The following SPHK2 variants were observed in gnomAD, a reference collection of about 807,000 sequenced individuals.
SPHK2 encodes sphingosine kinase 2.
In SPHK2, 18 loss-of-function variants were observed where a neutral mutation model predicts 32.3. The observed-to-expected ratio is 0.56, with a 90% CI of 0.39 to 0.83. The LOEUF is 0.83. Ranked by LOEUF, SPHK2 falls within the 40% of genes least tolerant of loss-of-function variation. The pLI is 0.00. For missense variants in SPHK2, 850 were observed against 908.7 expected (o/e 0.94, Z 0.83); for synonymous variants, 462 against 417.6 (o/e 1.11, Z -1.30).
chr19:48,620,074 G>T (rs1053995732), intron 1 of SPHK2, among the ~76,000 whole-genome samples: 7 of 152,136 alleles, frequency 4.6e-5, no homozygotes, highest in African/African-American at 1.7e-4. Flanking sequence ...ACTTCTTTGG[G>T]CCTTACTCTC....
chr19:48,628,276 G>A lies in SPHK2; in HGVS notation c.871G>A (p.Gly291Arg), dbSNP rs765660290. 1 of 1,613,094 alleles carries A rather than the reference G, an allele frequency of 6.2e-7. No individual in the cohort carries two copies. Among genetic ancestry groups the A allele is most frequent in the Admixed American group, 1.7e-5 (1 of 60,022 alleles). Reference sequence around the variant, plus strand: ...GGCCGGAGCAGTGAACCAGCACGGGGGGTAGGTTGAGGATACCACGAAGGG... The same window carrying A: ...GGCCGGAGCAGTGAACCAGCACGGGAGGTAGGTTGAGGATACCACGAAGGG... ...ALAGAVNQHG[G>R]FEPALGLDLL... Residue 291 changes from glycine to arginine, a missense_variant and splice_region_variant, in exon 6 of 7, where the codon GGA becomes AGA. This residue lies in a region of SPHK2 where 544 missense variants were observed against 640.0 expected (regional missense o/e 0.85). Coordinates refer to ENST00000245222, the MANE Select transcript of SPHK2 (RefSeq NM_020126.5). This position sits in a 1 kb window ranked among gnomAD's most constrained non-coding sequence, Gnocchi z 5.2.
intron 2 of SPHK2, 126 bp downstream of exon 2, chr19:48,620,679 T>TG: frequency 1.3e-6 from 1 of 795,984 alleles, no homozygotes; most frequent in Non-Finnish European, 2.0e-6. Context: ...ATCCCAGCAC[T>TG]CTGGGAGGCC....
At position 48,630,119 on chromosome 19, in the gene SPHK2, A is replaced by T; in HGVS notation, c.*346A>T. The T allele has an allele frequency of 1.6e-6, 2 of 1,252,396 alleles. No homozygotes were observed. The highest frequency in any genetic ancestry group is 2.0e-6 in the Non-Finnish European group (2 of 996,174). 77.6% of individuals were successfully genotyped at this position (1,252,396 alleles called of 1,614,324 possible). On this transcript the variant is annotated 3_prime_UTR_variant, in exon 7 of 7. Coordinates refer to ENST00000245222, the MANE Select transcript of SPHK2 (RefSeq NM_020126.5). This position sits in a 1 kb window ranked among gnomAD's most constrained non-coding sequence, Gnocchi z 4.9. ...CGGAGTCTATTTTACGCGTCGCCCAATGACAGGACCTGGAATGTACTGGCT... is the reference window on the plus strand; with the variant it reads ...CGGAGTCTATTTTACGCGTCGCCCATTGACAGGACCTGGAATGTACTGGCT...
rs2030255326 is a variant in SPHK2 at position 48,628,786 on chromosome 19, C to T, written c.978C>T (p.Gly326=). ...LDLLSVTLAS[G]SRCFSFLSVA... is the part of the protein sequence containing the mutation. ...TGCTCTCCGTGACGCTGGCCTCGGG[C>T]TCCCGCTGTTTCTCCTTCCTGTCTG... Residue 326 remains glycine (G), a synonymous_variant, in exon 7 of 7, where the codon GGC becomes GGT. Transcript: ENST00000245222. This position sits in a 1 kb window ranked among gnomAD's most constrained non-coding sequence, Gnocchi z 5.2. 9 of 1,613,452 alleles carry T rather than the reference C, an allele frequency of 5.6e-6. No homozygotes were observed. The highest frequency in any genetic ancestry group is 7.6e-6 in the Non-Finnish European group (9 of 1,180,034).
At position 48,630,391 on chromosome 19, in the gene SPHK2, G is replaced by C. The variant is rs1382204707; in HGVS notation, c.*618G>C. 5.1e-6 allele frequency: 7 copies of C among 1,375,624 alleles called. No individual in the cohort carries two copies. Among genetic ancestry groups the C allele is most frequent in the Non-Finnish European group, 6.6e-6 (7 of 1,065,776 alleles). 85.2% of individuals were successfully genotyped at this position (1,375,624 alleles called of 1,614,324 possible). A position where few individuals can be genotyped will look rare whatever the true frequency, so the allele number is the denominator to read the frequency against. ...AAAGGTCTATGCAATAAAGGCAGTCGCTTCATTCCTCTCAGACCTTCTGCC... is the reference window on the plus strand; with the variant it reads ...AAAGGTCTATGCAATAAAGGCAGTCCCTTCATTCCTCTCAGACCTTCTGCC... On this transcript the variant is annotated 3_prime_UTR_variant, in exon 7 of 7. Transcript: ENST00000245222. This position sits in a 1 kb window ranked among gnomAD's most constrained non-coding sequence, Gnocchi z 4.9.
At position 48,628,057 on chromosome 19, in the gene SPHK2, G is replaced by C; in HGVS notation, c.744G>C (p.Gly248=). The change falls in exon 5 of 7, where the codon GGG becomes GGC. Residue 248 remains glycine (G), a synonymous_variant. Transcript: ENST00000245222. This position sits in a 1 kb window ranked among gnomAD's most constrained non-coding sequence, Gnocchi z 5.2. ...WDGIVTVSGD[G]LLHEVLNGLL... ...GCATCGTCACGGTCTCGGGAGACGG[G>C]CTGCTCCATGAGGTAGAGCAGGAGC... 6.3e-7 allele frequency: 1 copy of C among 1,591,250 alleles called. No homozygotes were observed. Among genetic ancestry groups the C allele is most frequent in the Non-Finnish European group, 8.6e-7 (1 of 1,165,198 alleles).
chr19:48,628,316 C>T lies in SPHK2; in HGVS notation c.872+39C>T, dbSNP rs371062327. 2.7e-5 allele frequency: 42 copies of T among 1,579,276 alleles called. No homozygotes were observed. The African/African-American group carries it at 4.7e-4, about 18-fold the overall frequency. On this transcript the variant is annotated intron_variant, in intron 6 of 6. Coordinates refer to ENST00000245222, the MANE Select transcript of SPHK2 (RefSeq NM_020126.5). This position sits in a 1 kb window ranked among gnomAD's most constrained non-coding sequence, Gnocchi z 5.2. ...ACCACGAAGGGAGGGATGAGCCCCTCCTGGGGTGATAGGGACCCCTATATC... is the reference window on the plus strand; with the variant it reads ...ACCACGAAGGGAGGGATGAGCCCCTTCTGGGGTGATAGGGACCCCTATATC...
chr19:48,620,430 C>A lies in SPHK2; in HGVS notation c.-85C>A. 2.4e-6 allele frequency: 3 copies of A among 1,248,782 alleles called. No individual in the cohort carries two copies. Among genetic ancestry groups the A allele is most frequent in the Non-Finnish European group, 3.4e-6 (3 of 869,944 alleles). The allele number at this position is 1,248,782 out of a possible 1,614,324, so 77.4% of individuals were successfully genotyped here. ...TGAAGGTCAGGCCAGGACAGTGAGA[C>A]CTGACTCCTTGCTCCTACCAGCCTA... On this transcript the variant is annotated 5_prime_UTR_variant, in exon 2 of 7. Transcript: ENST00000245222.
In SPHK2 at chr19:48,628,005, A is replaced by G. The variant is rs1187595355; in HGVS notation, c.692A>G (p.Gln231Arg). 3 of 1,594,578 alleles carry G rather than the reference A, an allele frequency of 1.9e-6. No individual in the cohort carries two copies. The highest frequency in any genetic ancestry group is 2.6e-6 in the Non-Finnish European group (3 of 1,167,534). Residue 231 changes from glutamine to arginine, a missense_variant, in exon 5 of 7, where the codon CAG becomes CGG. Gln to Arg is a conservative substitution (Grantham distance 43). This residue lies in a region of SPHK2 where 544 missense variants were observed against 640.0 expected (regional missense o/e 0.85). Coordinates refer to ENST00000245222, the MANE Select transcript of SPHK2 (RefSeq NM_020126.5). This position sits in a 1 kb window ranked among gnomAD's most constrained non-coding sequence, Gnocchi z 5.2. ...CAGAACCACGCCCGGGAGCTGGTCC[A>G]GGGGCTGAGCCTGAGTGAGTGGGAT... ...ERQNHARELV[Q>R]GLSLSEWDGI...
At position 48,630,360 on chromosome 19, in the gene SPHK2, A is replaced by G. The variant is rs1323016472; in HGVS notation, c.*587A>G. 1 of 1,312,470 alleles carries G rather than the reference A, an allele frequency of 7.6e-7. No homozygotes were observed. The allele number at this position is 1,312,470 out of a possible 1,614,324, so 81.3% of individuals were successfully genotyped here. A position where few individuals can be genotyped will look rare whatever the true frequency, so the allele number is the denominator to read the frequency against. On this transcript the variant is annotated 3_prime_UTR_variant, in exon 7 of 7. Coordinates refer to ENST00000245222, the MANE Select transcript of SPHK2 (RefSeq NM_020126.5). This position sits in a 1 kb window ranked among gnomAD's most constrained non-coding sequence, Gnocchi z 4.9. ...GTCCTCCGTCCCCAATCTAAAAAGC[A>G]ATTGAAAAGGTCTATGCAATAAAGG... is the stretch of plus-strand genomic sequence containing the variant.
Position 48,629,323 on chromosome 19 carries a change from TGCCCGGGTAGGG to T in SPHK2, c.1519_1530del (p.Arg507_Ala510del), listed in dbSNP as rs753838028. The T allele has an allele frequency of 2.5e-6, 4 of 1,613,246 alleles. No individual in the cohort carries two copies. The East Asian group carries it at 8.9e-5, about 36-fold the overall frequency. The stretch of plus-strand genomic sequence containing the variant: ...CTGGGCTCCCACTTCCCACCCCTGA[TGCCCGGGTAGGG>T]GCCTCCACCTGCGGCCCGCCCGACC... On this transcript the variant is annotated inframe_deletion, in exon 7 of 7. Coordinates refer to ENST00000245222, the MANE Select transcript of SPHK2 (RefSeq NM_020126.5).
intron 2 of SPHK2, among the ~76,000 whole-genome samples, chr19:48,622,083 G>A (rs975871359): frequency 1.3e-5 from 2 of 151,866 alleles, no homozygotes; most frequent in African/African-American, 2.4e-5. Context: ...GTGAAACCCC[G>A]TCTCTACTAA....
intron 2 of SPHK2, 187 bp from the exon 3 acceptor site, chr19:48,625,704 C>T (rs1403379190): frequency 4.6e-6 from 7 of 1,534,968 alleles, no homozygotes; most frequent in Non-Finnish European, 6.1e-6. Flanking sequence ...CCGGCCCCCT[C>T]TGGGATGCTG....
chr19:48,622,175 C>G (rs1463651372), intron 2 of SPHK2, among the ~76,000 whole-genome samples: 1 of 150,472 alleles, frequency 6.6e-6, no homozygotes, highest in Non-Finnish European at 1.5e-5. Flanking sequence ...AGGAGAATGG[C>G]GTGAACCCGG....
rs1601173848 is a variant in SPHK2, at chr19:48,629,980, T to C, written c.*207T>C. The stretch of plus-strand genomic sequence containing the variant: ...AAGAGAAATGGGCTCGTCCCGAGGG[T>C]AGTGCCTGATCAATGAGGGCGGGGC... On this transcript the variant is annotated 3_prime_UTR_variant, in exon 7 of 7. Coordinates refer to ENST00000245222, the MANE Select transcript of SPHK2 (RefSeq NM_020126.5). The C allele has an allele frequency of 5.7e-6, 8 of 1,399,528 alleles. No individual in the cohort carries two copies. Among genetic ancestry groups the C allele is most frequent in the African/African-American group, 2.9e-5 (2 of 69,186 alleles). 86.7% of individuals were successfully genotyped at this position (1,399,528 alleles called of 1,614,324 possible).
chr19:48,620,481 G>A lies in SPHK2; in HGVS notation c.-34G>A, dbSNP rs372779335. The A allele has an allele frequency of 3.0e-5, 49 of 1,607,246 alleles. No homozygotes were observed. Among genetic ancestry groups the A allele is most frequent in the Non-Finnish European group, 4.0e-5 (47 of 1,176,116 alleles). On this transcript the variant is annotated 5_prime_UTR_variant, in exon 2 of 7. Coordinates refer to ENST00000245222, the MANE Select transcript of SPHK2 (RefSeq NM_020126.5). ...CTATGGCTTAAGACCCAGGGCCAGG[G>A]TCCCGTTGATGTAACAGAGCAGAGG...
intron 2 of SPHK2, chr19:48,625,641 G>T: frequency 1.3e-6 from 2 of 1,526,204 alleles, no homozygotes; most frequent in Non-Finnish European, 1.8e-6. Flanking sequence ...CACATAAAGG[G>T]TACTGAATAC....
rs759986300 is a variant in SPHK2 at position 48,629,805 on chromosome 19, G to A, written c.*32G>A. ...ACAAGCTTGGTACCCGCCGGGGGCGGGGCCTACATTCCAATGGGGCGGAGC... is the reference window on the plus strand; with the variant it reads ...ACAAGCTTGGTACCCGCCGGGGGCGAGGCCTACATTCCAATGGGGCGGAGC... On this transcript the variant is annotated 3_prime_UTR_variant, in exon 7 of 7. Transcript: ENST00000245222. 24 of 1,529,126 alleles carry A rather than the reference G, an allele frequency of 1.6e-5. No individual in the cohort carries two copies. The highest frequency in any genetic ancestry group is 2.0e-5 in the Non-Finnish European group (23 of 1,136,930). The allele number at this position is 1,529,126 out of a possible 1,614,324, so 94.7% of individuals were successfully genotyped here.
chr19:48,629,443 G>T lies in SPHK2; in HGVS notation c.1635G>T (p.Ser545=). The change falls in exon 7 of 7, where the codon TCG becomes TCT. Residue 545 remains serine (S), a synonymous_variant. Transcript: ENST00000245222. ...EGDFVLMLAI[S]PSHLGADLVA... ...ACTTTGTGCTCATGTTGGCCATCTC[G>T]CCCAGCCACCTAGGCGCTGACCTGG... 1 of 1,609,100 alleles carries T rather than the reference G, an allele frequency of 6.2e-7. No individual in the cohort carries two copies. The highest frequency in any genetic ancestry group is 8.5e-7 in the Non-Finnish European group (1 of 1,178,712).
Sources: gnomAD v4.1 joint callset for allele counts (sites outside exome capture counted in the v4.1 genomes callset) on GRCh38, gnomAD v4.1.1 for gene constraint, gnomAD v4.1.1 regional missense constraint, Gnocchi (gnomAD v3.1) non-coding constraint, MANE v1.5 for transcripts, NCBI Gene and HGNC (gene_info 2026-07-23, HGNC 2026-07-21) for gene names.